Variants in ADGRL2 observed in about 807,000 individuals in gnomAD.
ADGRL2 encodes the protein calcium-independent alpha-latrotoxin receptor 2.
In ADGRL2, 44 loss-of-function variants were observed where a neutral mutation model predicts 157.4. That is an observed-to-expected ratio of 0.28 (90% CI 0.22 to 0.36). The LOEUF (loss-of-function observed/expected upper bound fraction) is 0.36. ADGRL2 is among the 10% of genes least tolerant of loss of function. ADGRL2 has a pLI of 1.00. For missense variants in ADGRL2, 1,510 were observed against 1,768.9 expected, an observed-to-expected ratio of 0.85 and a Z score of 2.63; for synonymous variants, 585 against 624.7, an observed-to-expected ratio of 0.94 and a Z score of 0.95.
At chr1:81,799,126 G>T (rs2087742485), upstream of ADGRL2, among the ~76,000 whole-genome samples, 1 of 152,154 alleles carries the variant, frequency 6.6e-6, no homozygotes, top group Admixed American at 6.5e-5. Flanking sequence ...GAAGTAGCCT[G>T]ATTTAATTTT....
At position 81,423,093 on chromosome 1, in the gene ADGRL2, C is replaced by A. The variant is rs557279893; in HGVS notation, c.-301-21943C>A. Among the ~76,000 whole-genome samples the A allele has an allele frequency of 2.0e-5, 3 of 152,264 alleles. No homozygotes were observed. In the East Asian group the frequency reaches 5.8e-4, roughly 29 times the overall value. On this transcript the variant is annotated intron_variant, in intron 1 of 24. Coordinates refer to the ADGRL2 transcript ENST00000370721. ...AAACATATATAGCATGTGGTTACCT[C>A]TTTGGGGACATGACAAACAGAAAAT...
intron 1 of ADGRL2, among the ~76,000 whole-genome samples, chr1:81,442,398 A>G (rs2077523722): frequency 6.6e-6 from 1 of 152,204 alleles, no homozygotes; most frequent in South Asian, 2.1e-4. Flanking sequence ...TAAAATGTTC[A>G]CCATTTACTT....
intron 3 of ADGRL2, among the ~76,000 whole-genome samples, chr1:81,918,657 T>A (rs928029650): frequency 2.6e-5 from 4 of 152,148 alleles, no homozygotes; most frequent in Non-Finnish European, 5.9e-5. Flanking sequence ...GCATGTTTTA[T>A]GCATCACAAC....
chr1:81,969,244 G>A lies in ADGRL2; in HGVS notation c.2590G>A (p.Val864Ile), dbSNP rs567320115. 1.2e-6 allele frequency: 2 copies of A among 1,613,994 alleles called. No homozygotes were observed. Among genetic ancestry groups the A allele is most frequent in the East Asian group, 4.5e-5 (2 of 44,864 alleles). ...ITWVGIVISL[V>I]CLAICIFTFC... ...CTGGGTGGGAATTGTCATTTCCCTT[G>A]TTTGCCTGGCTATCTGCATCTTCAC... Residue 864 changes from valine to isoleucine, a missense_variant, in exon 15 of 24, where the codon GTT becomes ATT. This residue lies in a region of ADGRL2 where 497 missense variants were observed against 627.2 expected (regional missense o/e 0.79). Coordinates refer to ENST00000686636, the MANE Select transcript of ADGRL2 (RefSeq NM_001366006.2).
At chr1:81,488,054 C>T (rs898833095) in intron 2 of ADGRL2, among the ~76,000 whole-genome samples, 1 of 152,056 alleles carries the variant, frequency 6.6e-6, no homozygotes, top group African/African-American at 2.4e-5. Context: ...GCTACCCCTG[C>T]CCCCCGCCCG....
At chr1:81,765,663 A>G (rs900195428) in intron 2 of ADGRL2, among the ~76,000 whole-genome samples, 11 of 152,018 alleles carry the variant, frequency 7.2e-5, no homozygotes, top group Admixed American at 7.2e-4. Flanking sequence ...CTCATTTCCA[A>G]TTCTGGTTGT....
At chr1:81,588,254 T>C (rs2148575859) in intron 3 of ADGRL2, 1 of 152,172 alleles carries the variant, frequency 6.6e-6, no homozygotes, top group East Asian at 1.9e-4. Context: ...GGGCTAATCT[T>C]TGGGAAGGAG....
At chr1:81,380,284 G>C (rs1244600479) in intron 1 of ADGRL2, among the ~76,000 whole-genome samples, 1 of 152,154 alleles carries the variant, frequency 6.6e-6, no homozygotes, top group Non-Finnish European at 1.5e-5. Flanking sequence ...CACTTTTAAT[G>C]TGTGTGGGCT....
chr1:81,860,145 A>G (rs1282991542), intron 2 of ADGRL2, among the ~76,000 whole-genome samples: 1 of 152,026 alleles, frequency 6.6e-6, no homozygotes, highest in African/African-American at 2.4e-5. Flanking sequence ...AATCACTTGA[A>G]CCTGGGAGGC....
chr1:81,722,777 G>A (rs182416589), intron 1 of ADGRL2: 5 of 772,200 alleles, frequency 6.5e-6, no homozygotes, highest in South Asian at 4.2e-5. Flanking sequence ...GAGAGAGCCC[G>A]GAGGGAGGAA....
intron 3 of ADGRL2, among the ~76,000 whole-genome samples, chr1:81,669,859 C>T (rs1452323119): frequency 6.7e-6 from 1 of 148,500 alleles, no homozygotes; most frequent in East Asian, 2.0e-4. Context: ...AGGAGAATGG[C>T]ATGAACCCGG....
intron 2 of ADGRL2, among the ~76,000 whole-genome samples, chr1:81,525,593 C>G (rs1011614875): frequency 6.6e-6 from 1 of 152,218 alleles, no homozygotes; most frequent in African/African-American, 2.4e-5. Flanking sequence ...GCTGGGATTA[C>G]AGGCATGAGC....
intron 2 of ADGRL2, among the ~76,000 whole-genome samples, chr1:81,545,016 G>A (rs1322347038): frequency 6.6e-6 from 1 of 152,096 alleles, no homozygotes; most frequent in African/African-American, 2.4e-5. Flanking sequence ...CCCAGGTCAC[G>A]AGACATCCCT....
chr1:81,744,056 T>C (rs973879885), intron 1 of ADGRL2, among the ~76,000 whole-genome samples: 3 of 152,084 alleles, frequency 2.0e-5, no homozygotes, highest in African/African-American at 7.2e-5. Context: ...GCTAAAGATA[T>C]ACCTAGGGAG....
chr1:81,608,929 A>G (rs1006855122), intron 3 of ADGRL2, among the ~76,000 whole-genome samples: 4 of 152,072 alleles, frequency 2.6e-5, no homozygotes, highest in Non-Finnish European at 5.9e-5. Flanking sequence ...TCTGGTCAAG[A>G]CTCTGAGAAG....
At chr1:81,432,843 G>C (rs2077346303) in intron 1 of ADGRL2, among the ~76,000 whole-genome samples, 1 of 152,142 alleles carries the variant, frequency 6.6e-6, no homozygotes, top group Non-Finnish European at 1.5e-5. Flanking sequence ...GGAATGTGCA[G>C]CATCTATAAA....
At chr1:81,322,725 C>A (rs1400496761) in intron 1 of ADGRL2, among the ~76,000 whole-genome samples, 4 of 151,970 alleles carry the variant, frequency 2.6e-5, no homozygotes, top group African/African-American at 9.7e-5. Context: ...TGGGGCCAAG[C>A]TGAAGAAAGT....
chr1:81,886,149 A>G lies in ADGRL2; in HGVS notation c.74-20868A>G, dbSNP rs117151761. ...GTGTATCATTTTAGATATACACGTT[A>G]TTTCTTTGCAGTTACTTAATGGTAC... On this transcript the variant is annotated intron_variant, in intron 2 of 23. Coordinates refer to ENST00000686636, the MANE Select transcript of ADGRL2 (RefSeq NM_001366006.2). 5.3e-5 allele frequency among the ~76,000 whole-genome samples: 8 copies of G among 152,222 alleles called. No homozygotes were observed. In the East Asian group the frequency reaches 1.5e-3, roughly 29 times the overall value.
At chr1:81,744,963 G>A (rs568850368) in intron 1 of ADGRL2, among the ~76,000 whole-genome samples, 1 of 152,180 alleles carries the variant, frequency 6.6e-6, no homozygotes, top group Admixed American at 6.6e-5. Flanking sequence ...AGCACAGAAG[G>A]AAATAATTTG....
Sources: gnomAD v4.1 joint callset for allele counts (sites outside exome capture counted in the v4.1 genomes callset) on GRCh38, gnomAD v4.1.1 for gene constraint, gnomAD v4.1.1 regional missense constraint, MANE v1.5 for transcripts, NCBI Gene and HGNC (gene_info 2026-07-23, HGNC 2026-07-21) for gene names.